CSMD3: variants seen among roughly 807,000 people sequenced by gnomAD.
The protein encoded by CSMD3 is CUB and Sushi multiple domains 3.
CSMD3 carries 177 observed loss-of-function variants against 435.2 expected under a neutral mutation model. The ratio of observed to expected loss-of-function variants is 0.41; its 90% CI spans 0.36 to 0.46. CSMD3 has a LOEUF of 0.46. Ranked by LOEUF, CSMD3 falls within the 20% of genes least tolerant of loss-of-function variation. The pLI is 0.34. For synonymous variants in CSMD3, 1,656 were observed against 1,520.5 expected (o/e 1.09, Z -2.07); for missense variants, 4,265 against 4,504.6 (o/e 0.95, Z 1.52).
chr8:113,342,026 A>G lies in CSMD3; in HGVS notation c.179-27233T>C, dbSNP rs559320168. Reference sequence around the variant, plus strand: ...GTTCACTATTTTCCATAATAAGGAAATTACCAAACTCGTAGAATAGCCAAA... The same window carrying G: ...GTTCACTATTTTCCATAATAAGGAAGTTACCAAACTCGTAGAATAGCCAAA... On this transcript the variant is annotated intron_variant, in intron 1 of 70. Transcript: ENST00000297405. Among the ~76,000 whole-genome samples, 22 of 152,254 alleles carry G rather than the reference A, an allele frequency of 1.4e-4. 1 individual carries two copies. The South Asian group carries it at 2.1e-3, about 14-fold the overall frequency.
chr8:112,532,115 A>T (rs965847597), intron 27 of CSMD3, among the ~76,000 whole-genome samples: 4 of 79,888 alleles, frequency 5.0e-5, no homozygotes, highest in Non-Finnish European at 7.6e-5. Context: ...GTGTCTCAAC[A>T]GCAGAATTGA....
chr8:112,991,403 A>C (rs959149024), intron 6 of CSMD3, among the ~76,000 whole-genome samples: 7 of 151,792 alleles, frequency 4.6e-5, no homozygotes, highest in African/African-American at 1.7e-4. Flanking sequence ...ACTACAGTAC[A>C]TGTGCAAAAA....
At chr8:112,953,465 T>C (rs529065792) in intron 8 of CSMD3, among the ~76,000 whole-genome samples, 34 of 151,562 alleles carry the variant, frequency 2.2e-4, no homozygotes, top group African/African-American at 8.2e-4. Flanking sequence ...TGAAGAAATA[T>C]TAATTATACA....
At chr8:113,105,672 G>A (rs2090453202) in intron 4 of CSMD3, among the ~76,000 whole-genome samples, 1 of 152,110 alleles carries the variant, frequency 6.6e-6, no homozygotes, top group Non-Finnish European at 1.5e-5. Context: ...ATCTCAAAAG[G>A]GGTGCACTTC....
intron 1 of CSMD3, among the ~76,000 whole-genome samples, chr8:113,318,786 A>ATGTGTGTGTG (rs56269027): frequency 0.11 from 15,853 of 139,940 alleles, 1,068 homozygotes; most frequent in Middle Eastern, 0.25. Flanking sequence ...GCTGAATAAG[A>ATGTGTGTGTG]TGTGTGTGTG....
chr8:112,514,720 T>A (rs1345225551), intron 28 of CSMD3, among the ~76,000 whole-genome samples: 1 of 152,098 alleles, frequency 6.6e-6, no homozygotes, highest in African/African-American at 2.4e-5. Flanking sequence ...GCTATAAGAC[T>A]GACTGTTTCT....
At chr8:113,328,735 CTTTTTTTTT>C (rs71281211) in intron 1 of CSMD3, among the ~76,000 whole-genome samples, 3 of 57,198 alleles carry the variant, frequency 5.2e-5, no homozygotes, top group Non-Finnish European at 8.5e-5. Context: ...TCCTTCTTTT[CTTTTTTTTT>C]TTTTTTTTTT....
At chr8:112,532,068 A>G (rs1193364589) in intron 27 of CSMD3, among the ~76,000 whole-genome samples, 2 of 151,670 alleles carry the variant, frequency 1.3e-5, no homozygotes, top group African/African-American at 4.8e-5. Flanking sequence ...GATGAAAAAT[A>G]CAATTGATGA....
chr8:112,600,514 C>T (rs1200202587), intron 22 of CSMD3, among the ~76,000 whole-genome samples: 1 of 152,104 alleles, frequency 6.6e-6, no homozygotes, highest in African/African-American at 2.4e-5. Context: ...ATTCCTTCCT[C>T]CTTAAAATAC....
intron 27 of CSMD3, among the ~76,000 whole-genome samples, chr8:112,532,641 CACAA>C (rs1432900706): frequency 6.6e-6 from 1 of 151,926 alleles, no homozygotes; most frequent in African/African-American, 2.4e-5. Flanking sequence ...TAAAAACTTT[CACAA>C]ACAAAGTTAA....
At chr8:112,758,090 C>T (rs1205786337) in intron 13 of CSMD3, among the ~76,000 whole-genome samples, 2 of 152,046 alleles carry the variant, frequency 1.3e-5, no homozygotes, top group Middle Eastern at 3.2e-3. Flanking sequence ...TGCGGTTGCT[C>T]ACGCCTGTAA....
chr8:112,865,132 A>G (rs534118952), intron 10 of CSMD3, among the ~76,000 whole-genome samples: 1 of 152,226 alleles, frequency 6.6e-6, no homozygotes, highest in East Asian at 1.9e-4. Flanking sequence ...AAACACATAC[A>G]GTTAACCATG....
chr8:112,900,926 C>T (rs1046937934), intron 10 of CSMD3, among the ~76,000 whole-genome samples: 29 of 151,078 alleles, frequency 1.9e-4, no homozygotes, highest in African/African-American at 7.0e-4. Context: ...GATAGCCATC[C>T]TAACAGGTAC....
chr8:112,257,660 T>C (rs1815937089), intron 61 of CSMD3, among the ~76,000 whole-genome samples: 3 of 152,230 alleles, frequency 2.0e-5, no homozygotes, highest in Admixed American at 6.5e-5. Context: ...AAACATTTCA[T>C]GCTCATGGAT....
chr8:112,666,440 A>G lies in CSMD3; in HGVS notation c.2678-25T>C, dbSNP rs769470797. On this transcript the variant is annotated intron_variant, in intron 16 of 70. Coordinates refer to ENST00000297405, the MANE Select transcript of CSMD3 (RefSeq NM_198123.2). ...GCTGAAAAATTAAATCAGACAAGTAAGAATAAAACATTCAAGATAAATCGC... is the reference window on the plus strand; with the variant it reads ...GCTGAAAAATTAAATCAGACAAGTAGGAATAAAACATTCAAGATAAATCGC... The G allele has an allele frequency of 1.1e-5, 17 of 1,604,806 alleles. No individual in the cohort carries two copies. In the Admixed American group the frequency reaches 1.8e-4, roughly 17 times the overall value.
intron 22 of CSMD3, among the ~76,000 whole-genome samples, chr8:112,596,074 T>C (rs983898181): frequency 2.7e-5 from 4 of 150,858 alleles, no homozygotes; most frequent in Non-Finnish European, 5.9e-5. Context: ...GACTGGCAAA[T>C]TGGATAAAGA....
chr8:112,391,697 A>G (rs558518072), intron 35 of CSMD3, among the ~76,000 whole-genome samples: 1 of 151,994 alleles, frequency 6.6e-6, no homozygotes, highest in East Asian at 1.9e-4. Context: ...ATCTCAAAAA[A>G]AAAAAAAGAT....
intron 24 of CSMD3, among the ~76,000 whole-genome samples, chr8:112,563,085 C>T (rs950166643): frequency 5.9e-5 from 9 of 151,450 alleles, no homozygotes; most frequent in African/African-American, 2.2e-4. Context: ...AGATAACAAA[C>T]AACAGCTGCA....
intron 10 of CSMD3, among the ~76,000 whole-genome samples, chr8:112,875,254 C>T (rs753101785): frequency 3.8e-4 from 58 of 152,278 alleles, no homozygotes; most frequent in Non-Finnish European, 5.6e-4. Context: ...CCCCCACTTT[C>T]TTCTGGCTTG....
Sources: gnomAD v4.1 joint callset for allele counts (sites outside exome capture counted in the v4.1 genomes callset) on GRCh38, gnomAD v4.1.1 for gene constraint, MANE v1.5 for transcripts, NCBI Gene and HGNC (gene_info 2026-07-23, HGNC 2026-07-21) for gene names.